CENPP: variants seen among roughly 807,000 people sequenced by gnomAD.
The protein encoded by CENPP is centromere protein P.
CENPP carries 24 observed loss-of-function variants against 35.6 expected under a neutral mutation model. The observed-to-expected ratio is 0.67, with a 90% CI of 0.49 to 0.95. CENPP has a LOEUF of 0.95. CENPP is among the 40% of genes least tolerant of loss of function. CENPP has a pLI of 0.00. For synonymous variants in CENPP, 120 were observed against 125.5 expected, an observed-to-expected ratio of 0.96 and a Z score of 0.29; for missense variants, 332 against 345.3, an observed-to-expected ratio of 0.96 and a Z score of 0.31.
chr9:92,550,546 GT>G (rs145987742), intron 5 of CENPP, among the ~76,000 whole-genome samples: 2 of 147,998 alleles, frequency 1.4e-5, no homozygotes, highest in African/African-American at 2.5e-5. Flanking sequence ...TCTTAGACCT[GT>G]TTTTTTTTTG....
At chr9:92,535,959 G>A (rs775924155) in intron 5 of CENPP, 1 of 506,698 alleles carries the variant, frequency 2.0e-6, no homozygotes, top group East Asian at 5.6e-5. Context: ...AGTAGGCTTT[G>A]CTTGGTGTCA....
intron 5 of CENPP, chr9:92,393,293 T>C: frequency 6.9e-7 from 1 of 1,448,164 alleles, no homozygotes; most frequent in South Asian, 1.3e-5. Context: ...TTTGAAAATA[T>C]TTCTCCTCTA....
chr9:92,571,748 A>G (rs1354784577), intron 5 of CENPP, among the ~76,000 whole-genome samples: 1 of 152,138 alleles, frequency 6.6e-6, no homozygotes. Flanking sequence ...GGCTTGCTCT[A>G]TGAATCTGGG....
intron 5 of CENPP, among the ~76,000 whole-genome samples, chr9:92,546,436 T>C (rs780701389): frequency 1.3e-5 from 2 of 152,118 alleles, no homozygotes; most frequent in Non-Finnish European, 2.9e-5. Context: ...GTAACACTCA[T>C]GGGGGAAGAT....
At position 92,471,452 on chromosome 9, in the gene CENPP, C is replaced by T. The variant is rs550131881; in HGVS notation, c.564+91593C>T. On this transcript the variant is annotated intron_variant, in intron 5 of 7. Coordinates refer to ENST00000375587, the MANE Select transcript of CENPP (RefSeq NM_001012267.3). ...CCTCGTGATTCGCCTGACTGGGCCTCCCAAAGTGCTGGTATTACAGTCGTG... is the reference window on the plus strand; with the variant it reads ...CCTCGTGATTCGCCTGACTGGGCCTTCCAAAGTGCTGGTATTACAGTCGTG... 1.2e-4 allele frequency among the ~76,000 whole-genome samples: 19 copies of T among 152,088 alleles called. No homozygotes were observed. In the East Asian group the frequency reaches 3.5e-3, roughly 28 times the overall value.
At position 92,509,795 on chromosome 9, in the gene CENPP, T is replaced by G; in HGVS notation, c.565-101519T>G. The G allele has an allele frequency of 2.4e-6, 3 of 1,244,598 alleles. No homozygotes were observed. The South Asian group carries it at 4.9e-5, about 20-fold the overall frequency. The allele number at this position is 1,244,598 out of a possible 1,614,324, so 77.1% of individuals were successfully genotyped here. On this transcript the variant is annotated intron_variant, in intron 5 of 7. Coordinates refer to ENST00000375587, the MANE Select transcript of CENPP (RefSeq NM_001012267.3). ...CTCAAATGGTTAAGTGACCTAAAAA[T>G]ATTTACTATTTATTCATTTGGCAAT...
intron 5 of CENPP, among the ~76,000 whole-genome samples, chr9:92,609,730 T>TTG (rs888102223): frequency 6.6e-6 from 1 of 152,224 alleles, no homozygotes; most frequent in African/African-American, 2.4e-5. Flanking sequence ...AAAGACATTT[T>TTG]TGTGTGTGTG....
At chr9:92,395,523 A>G (rs1015463376) in intron 5 of CENPP, among the ~76,000 whole-genome samples, 2 of 152,188 alleles carry the variant, frequency 1.3e-5, no homozygotes, top group African/African-American at 4.8e-5. Flanking sequence ...TTGGGTAAGT[A>G]CCTAAGGAGT....
chr9:92,392,395 G>A (rs1012490044), intron 5 of CENPP, among the ~76,000 whole-genome samples: 54 of 152,070 alleles, frequency 3.6e-4, no homozygotes, highest in African/African-American at 1.3e-3. Flanking sequence ...AGGCCGAGGC[G>A]GGCGGATCAC....
intron 5 of CENPP, among the ~76,000 whole-genome samples, chr9:92,459,298 T>C (rs1260717877): frequency 6.6e-6 from 1 of 152,224 alleles, no homozygotes; most frequent in Non-Finnish European, 1.5e-5. Context: ...GTGACACTGC[T>C]CCATGTCCTC....
rs150691289 is a variant in CENPP, at chr9:92,587,551, C to A, written c.565-23763C>A. Among the ~76,000 whole-genome samples the A allele has an allele frequency of 5.3e-5, 8 of 152,286 alleles. 1 individual carries two copies. The East Asian group carries it at 1.5e-3, about 29-fold the overall frequency. On this transcript the variant is annotated intron_variant, in intron 5 of 7. Transcript: ENST00000375587. Reference sequence around the variant, plus strand: ...TTCAGGCATAAAAAGGAATGAAATACTGATGAACCTTGAAAATTGTATGCT... The same window carrying A: ...TTCAGGCATAAAAAGGAATGAAATAATGATGAACCTTGAAAATTGTATGCT...
intron 5 of CENPP, among the ~76,000 whole-genome samples, chr9:92,538,719 C>T (rs1173760389): frequency 1.3e-5 from 2 of 152,154 alleles, no homozygotes; most frequent in African/African-American, 4.8e-5. Flanking sequence ...CTCCTACCCC[C>T]TTTATTATTG....
rs549250297 is a variant in CENPP, at chr9:92,559,805, A to G, written c.565-51509A>G. On this transcript the variant is annotated intron_variant, in intron 5 of 7. Transcript: ENST00000375587. ...CATGAGCCACCATGCCTGCTGTCCTATGTTTTTAAATGTATTTTGCTGATG... is the reference window on the plus strand; with the variant it reads ...CATGAGCCACCATGCCTGCTGTCCTGTGTTTTTAAATGTATTTTGCTGATG... 5.9e-5 allele frequency among the ~76,000 whole-genome samples: 9 copies of G among 152,104 alleles called. No homozygotes were observed. The South Asian group carries it at 1.2e-3, about 21-fold the overall frequency.
In CENPP at chr9:92,592,874, A is replaced by C. The variant is rs758375305; in HGVS notation, c.565-18440A>C. Among the ~76,000 whole-genome samples the C allele has an allele frequency of 2.8e-4, 42 of 152,258 alleles. 1 individual carries two copies. The highest frequency in any genetic ancestry group is 7.3e-5 in the Non-Finnish European group (5 of 68,046). On this transcript the variant is annotated intron_variant, in intron 5 of 7. Coordinates refer to ENST00000375587, the MANE Select transcript of CENPP (RefSeq NM_001012267.3). ...ATGCACAGTGCTGATTTTGTTCATC[A>C]GTATATACCCAGCATTTAACATCAT...
At chr9:92,486,822 C>T (rs557775191) in intron 5 of CENPP, among the ~76,000 whole-genome samples, 1 of 150,244 alleles carries the variant, frequency 6.7e-6, no homozygotes, top group South Asian at 2.1e-4. Flanking sequence ...TGCTCTGTCA[C>T]CCAGGCTGGA....
rs546319928 is a variant in CENPP at position 92,572,494 on chromosome 9, C to T, written c.565-38820C>T. ...GATGGGCTTCCCTTTGTGGGTAACC[C>T]GACCTTTCTCTCTGGCTGCTCTTAA... is the stretch of plus-strand genomic sequence containing the variant. On this transcript the variant is annotated intron_variant, in intron 5 of 7. Transcript: ENST00000375587. 2.6e-5 allele frequency among the ~76,000 whole-genome samples: 4 copies of T among 152,302 alleles called. No individual in the cohort carries two copies. The East Asian group carries it at 5.8e-4, about 22-fold the overall frequency.
At chr9:92,452,979 A>T (rs903711553) in intron 5 of CENPP, among the ~76,000 whole-genome samples, 8 of 151,728 alleles carry the variant, frequency 5.3e-5, no homozygotes, top group African/African-American at 9.7e-5. Flanking sequence ...GTCTATTTGA[A>T]TCTTCTCTCT....
chr9:92,489,610 AT>A (rs879683545), intron 5 of CENPP, among the ~76,000 whole-genome samples: 31 of 147,968 alleles, frequency 2.1e-4, no homozygotes, highest in South Asian at 6.4e-4. Context: ...TATGGTCAGG[AT>A]TTTTTTTTTT....
At chr9:92,405,537 G>T (rs139678507) in intron 5 of CENPP, among the ~76,000 whole-genome samples, 147 of 152,238 alleles carry the variant, frequency 9.7e-4, no homozygotes, top group African/African-American at 3.3e-3. Context: ...ATTTAATTGT[G>T]ATATTGTCTG....
Sources: gnomAD v4.1 joint callset for allele counts (sites outside exome capture counted in the v4.1 genomes callset) on GRCh38, gnomAD v4.1.1 for gene constraint, MANE v1.5 for transcripts, NCBI Gene and HGNC (gene_info 2026-07-23, HGNC 2026-07-21) for gene names.